PKHD1L1: variants seen among roughly 807,000 people sequenced by gnomAD.
The protein encoded by PKHD1L1 is PKHD1 like 1.
In PKHD1L1, 434 loss-of-function variants were observed where a neutral mutation model predicts 462.9. The observed-to-expected ratio is 0.94, with a 90% CI of 0.87 to 1.02. The LOEUF is 1.02. Among genes scored for constraint, PKHD1L1 ranks in the 50% least tolerant of loss-of-function variants. The pLI is 0.00. For synonymous variants in PKHD1L1, 1,781 were observed against 1,750.0 expected (o/e 1.02, Z -0.44); for missense variants, 5,202 against 5,096.1 (o/e 1.02, Z -0.63).
chr8:109,402,593 C>A (rs1178667079), intron 14 of PKHD1L1, among the ~76,000 whole-genome samples: 1 of 152,178 alleles, frequency 6.6e-6, no homozygotes, highest in Non-Finnish European at 1.5e-5. Context: ...AATGCACACA[C>A]ACTCTGCAAT....
rs763968423 is a variant in PKHD1L1 at position 109,459,666 on chromosome 8, G to A, written c.7076G>A (p.Ser2359Asn). 6.2e-7 allele frequency: 1 copy of A among 1,608,384 alleles called. No individual in the cohort carries two copies. The highest frequency in any genetic ancestry group is 1.1e-5 in the South Asian group (1 of 89,950). Residue 2359 changes from serine (S) to asparagine (N), a missense_variant, in exon 47 of 78, where the codon AGT (serine) becomes AAT (asparagine). Around this residue, in one of 3 missense-constraint regions of PKHD1L1, gnomAD observed 4,497 missense variants for 4,336.8 expected, o/e 1.04. Coordinates refer to ENST00000378402, the MANE Select transcript of PKHD1L1 (RefSeq NM_177531.6). ...VSADGINITL[S>N]NPLNYTHLGI... ...GCTGATGGCATAAACATAACACTAAGTAACCCACTAAATTACACACACTTA... is the reference window on the plus strand; with the variant it reads ...GCTGATGGCATAAACATAACACTAAATAACCCACTAAATTACACACACTTA...
At chr8:109,424,312 A>G (rs532109723) in intron 23 of PKHD1L1, among the ~76,000 whole-genome samples, 1 of 152,278 alleles carries the variant, frequency 6.6e-6, no homozygotes, top group South Asian at 2.1e-4. Context: ...ACATTTTTCC[A>G]TAGTATAAAT....
intron 4 of PKHD1L1, 23 bp from the exon 5 acceptor site, chr8:109,384,047 T>G: frequency 6.6e-7 from 1 of 1,521,686 alleles, no homozygotes; most frequent in African/African-American, 1.4e-5. Flanking sequence ...TAAGTTTTCA[T>G]ATTGACATTA....
rs1220520490 is a variant in PKHD1L1, at chr8:109,382,496, C to A, written c.342C>A (p.Val114=). Residue 114 remains valine, a synonymous_variant, in exon 4 of 78, where the codon GTC becomes GTA. Coordinates refer to ENST00000378402, the MANE Select transcript of PKHD1L1 (RefSeq NM_177531.6). ...AMPEDSYTVR[V]SVDGVPVTEN... ...CGGAAGATTCCTACACTGTTAGAGT[C>A]AGTGTGGACGGGGTTCCTGTTACGG... 3 of 1,611,760 alleles carry A rather than the reference C, an allele frequency of 1.9e-6. No homozygotes were observed. The highest frequency in any genetic ancestry group is 2.2e-5 in the East Asian group (1 of 44,704).
chr8:109,464,715 A>G lies in PKHD1L1; in HGVS notation c.7883A>G (p.Glu2628Gly). 1 of 1,613,814 alleles carries G rather than the reference A, an allele frequency of 6.2e-7. No individual in the cohort carries two copies. The highest frequency in any genetic ancestry group is 8.5e-7 in the Non-Finnish European group (1 of 1,179,798). The change falls in exon 49 of 78, where the codon GAG becomes GGG. Residue 2628 changes from glutamate (E) to glycine (G), a missense_variant. Coordinates refer to ENST00000378402, the MANE Select transcript of PKHD1L1 (RefSeq NM_177531.6). ...GGTTGGTTTGGAATGTGGATCTTTG[A>G]GGAATATTTCCCCATGCAAACGGGA... ...SQGWFGMWIFEEYFPMQTGSC... is the reference protein window; with the variant it reads ...SQGWFGMWIFGEYFPMQTGSC...
intron 2 of PKHD1L1, among the ~76,000 whole-genome samples, chr8:109,372,412 G>C (rs1259632075): frequency 6.6e-6 from 1 of 152,134 alleles, no homozygotes; most frequent in Non-Finnish European, 1.5e-5. Context: ...GGGCTGAGAC[G>C]ACTGGGTTAT....
At chr8:109,513,391 A>G (rs1370350988) in intron 71 of PKHD1L1, among the ~76,000 whole-genome samples, 1 of 152,170 alleles carries the variant, frequency 6.6e-6, no homozygotes, top group Non-Finnish European at 1.5e-5. Context: ...TATTACTTAT[A>G]TATATATCAG....
At chr8:109,482,592 T>C (rs1019976292) in intron 56 of PKHD1L1, among the ~76,000 whole-genome samples, 10 of 151,802 alleles carry the variant, frequency 6.6e-5, no homozygotes, top group African/African-American at 2.4e-4. Context: ...TCAGTGAACA[T>C]ATTATGAAAA....
chr8:109,422,221 G>C (rs528621516), intron 23 of PKHD1L1, among the ~76,000 whole-genome samples: 1,715 of 124,918 alleles, frequency 0.014, 23 homozygotes, highest in African/African-American at 0.081. Flanking sequence ...TTCCAGGGTT[G>C]TGTGTGTGTG....
At chr8:109,475,339 C>T (rs1586588270) in intron 51 of PKHD1L1, 70 bp downstream of exon 51, 3 of 1,211,712 alleles carry the variant, frequency 2.5e-6, no homozygotes, top group African/African-American at 1.6e-5. Flanking sequence ...CTCATACTTA[C>T]TCACAGACAT....
rs1207152630 is a variant in PKHD1L1, at chr8:109,530,403, CT to C, written c.*315del. 23 of 176,476 alleles carry C rather than the reference CT, an allele frequency of 1.3e-4. No homozygotes were observed. Among genetic ancestry groups the C allele is most frequent in the African/African-American group, 5.0e-4 (21 of 42,160 alleles). 10.9% of individuals were successfully genotyped at this position (176,476 alleles called of 1,614,324 possible). A position where few individuals can be genotyped will look rare whatever the true frequency, so the allele number is the denominator to read the frequency against. On this transcript the variant is annotated 3_prime_UTR_variant, in exon 78 of 78. Transcript: ENST00000378402. ...AGAATCCTTTAAATAATGGAAAGAG[CT>C]TGTCTAGTTCCGACTTAAGCTCTTT...
intron 27 of PKHD1L1, among the ~76,000 whole-genome samples, chr8:109,430,785 G>A (rs1356688611): frequency 1.3e-5 from 2 of 151,890 alleles, no homozygotes; most frequent in Non-Finnish European, 2.9e-5. Context: ...TAAAAGTAGT[G>A]CATTTTTGTG....
intron 68 of PKHD1L1, among the ~76,000 whole-genome samples, chr8:109,505,105 G>A (rs1819625834): frequency 6.6e-6 from 1 of 151,770 alleles, no homozygotes; most frequent in Admixed American, 6.6e-5. Context: ...TCCCAGGCTG[G>A]TCTTGAACTC....
intron 6 of PKHD1L1, among the ~76,000 whole-genome samples, chr8:109,387,929 G>A (rs1485072558): frequency 6.6e-6 from 1 of 152,060 alleles, no homozygotes; most frequent in Non-Finnish European, 1.5e-5. Context: ...CAAGTAATAG[G>A]TCAGACCCAA....
At position 109,459,735 on chromosome 8, in the gene PKHD1L1, G is replaced by C. The variant is rs1817013571; in HGVS notation, c.7145G>C (p.Arg2382Thr). Residue 2382 changes from arginine to threonine, a missense_variant, in exon 47 of 78, where the codon AGA becomes ACA. By Grantham distance (71) the Arg-to-Thr change is moderately conservative. Around this residue, in one of 3 missense-constraint regions of PKHD1L1, gnomAD observed 4,497 missense variants for 4,336.8 expected, o/e 1.04. Coordinates refer to ENST00000378402, the MANE Select transcript of PKHD1L1 (RefSeq NM_177531.6). ...CCTGATGGAACTCTGTTTGAAGCAA[G>C]AGCAGAAGTTGGAATTCTTACAAGA... is the stretch of plus-strand genomic sequence containing the variant. ...TLPDGTLFEA[R>T]AEVGILTRNI... 6.2e-7 allele frequency: 1 copy of C among 1,612,000 alleles called. No homozygotes were observed. Among genetic ancestry groups the C allele is most frequent in the Non-Finnish European group, 8.5e-7 (1 of 1,178,930 alleles).
chr8:109,452,418 C>T, intron 42 of PKHD1L1, 138 bp downstream of exon 42: 1 of 869,518 alleles, frequency 1.2e-6, no homozygotes, highest in South Asian at 5.6e-5. Context: ...TCTAAAGTAG[C>T]TTACATTTTT....
chr8:109,501,610 C>T (rs73700603), intron 67 of PKHD1L1, among the ~76,000 whole-genome samples: 2 of 152,178 alleles, frequency 1.3e-5, no homozygotes, highest in South Asian at 4.1e-4. Context: ...TTGGGTCAGA[C>T]ATTATGTAGT....
At chr8:109,443,646 T>C (rs1470370764) in intron 36 of PKHD1L1, 30 bp from the exon 37 acceptor site, 8 of 1,516,008 alleles carry the variant, frequency 5.3e-6, no homozygotes, top group Non-Finnish European at 6.3e-6. Flanking sequence ...ATGTTATTCA[T>C]GACTTAACGG....
At chr8:109,373,536 C>T (rs1474052509) in intron 2 of PKHD1L1, among the ~76,000 whole-genome samples, 1 of 152,018 alleles carries the variant, frequency 6.6e-6, no homozygotes, top group Non-Finnish European at 1.5e-5. Flanking sequence ...TTATTTCTTG[C>T]CTTCTGCTAG....
Sources: allele counts gnomAD v4.1 joint callset (sites outside exome capture counted in the v4.1 genomes callset), GRCh38; gene constraint gnomAD v4.1.1; regional missense constraint gnomAD v4.1.1; transcripts MANE v1.5; gene names NCBI Gene and HGNC (gene_info 2026-07-23, HGNC 2026-07-21).